The following KIRREL3 variants were observed in gnomAD, a reference collection of about 807,000 sequenced individuals.
KIRREL3 encodes the protein kin of IRRE-like protein 3.
Under a neutral mutation model 89.7 loss-of-function variants are expected in KIRREL3, and 36 were observed. The ratio of observed to expected loss-of-function variants is 0.40; its 90% CI spans 0.31 to 0.53. The LOEUF (loss-of-function observed/expected upper bound fraction) is 0.53. Ranked by LOEUF, KIRREL3 falls within the 20% of genes least tolerant of loss-of-function variation. The probability of loss-of-function intolerance (pLI) is 0.49; values close to 1 mark genes in which losing one functional copy is unlikely to be tolerated. For missense variants in KIRREL3, 864 were observed against 1,056.6 expected, an observed-to-expected ratio of 0.82 and a Z score of 2.53; for synonymous variants, 445 against 441.4, an observed-to-expected ratio of 1.01 and a Z score of -0.10.
chr11:126,555,486 G>T lies in KIRREL3; in HGVS notation c.133+7349C>A, dbSNP rs1440776843. Among the ~76,000 whole-genome samples the T allele has an allele frequency of 6.6e-6, 1 of 152,198 alleles. No individual in the cohort carries two copies. Among genetic ancestry groups the T allele is most frequent in the African/African-American group, 2.4e-5 (1 of 41,444 alleles). ...GGGATGGGTCAGTGGAGGCATCACTGGAGCAGAGACTTGAGCTGTGATTTG... is the reference window on the plus strand; with the variant it reads ...GGGATGGGTCAGTGGAGGCATCACTTGAGCAGAGACTTGAGCTGTGATTTG... On this transcript the variant is annotated intron_variant, in intron 2 of 16. Transcript: ENST00000525144. This position sits in a 1 kb window ranked among gnomAD's most constrained non-coding sequence, Gnocchi z 4.2.
At chr11:126,678,535 G>A (rs938660999) in intron 1 of KIRREL3, among the ~76,000 whole-genome samples, 5 of 128,690 alleles carry the variant, frequency 3.9e-5, no homozygotes, top group Non-Finnish European at 7.8e-5. Context: ...GGGAGACGGA[G>A]CTTACAGTGA....
In KIRREL3 at chr11:126,780,286, G is replaced by A. The variant is rs1592117815; in HGVS notation, c.56-217374C>T. Among the ~76,000 whole-genome samples the A allele has an allele frequency of 6.6e-6, 1 of 152,200 alleles. No homozygotes were observed. Among genetic ancestry groups the A allele is most frequent in the Non-Finnish European group, 1.5e-5 (1 of 68,034 alleles). ...GTGTAAGAGCAGCCTATCTTCTTCC[G>A]AGTCCACTAGAGAAGTGTGGCACAG... On this transcript the variant is annotated intron_variant, in intron 1 of 16. Transcript: ENST00000525144. The surrounding 1 kb of genome is among the most constrained non-coding windows in gnomAD (Gnocchi z 5.3).
chr11:126,634,826 C>T (rs1221504936), intron 1 of KIRREL3, among the ~76,000 whole-genome samples: 2 of 152,184 alleles, frequency 1.3e-5, no homozygotes, highest in East Asian at 1.9e-4. Context: ...TACAGGTCTG[C>T]GCCCTCTCGG....
At chr11:126,857,125 C>A (rs1944544338) in intron 1 of KIRREL3, among the ~76,000 whole-genome samples, 3 of 152,178 alleles carry the variant, frequency 2.0e-5, no homozygotes, top group African/African-American at 7.2e-5. Context: ...GACATATTGC[C>A]TCCTCCATAC....
chr11:126,775,602 T>A (rs1654633695), intron 1 of KIRREL3, among the ~76,000 whole-genome samples: 1 of 152,226 alleles, frequency 6.6e-6, no homozygotes, highest in Admixed American at 6.5e-5. Context: ...CACTCGCTGC[T>A]GGGTCTTTAG....
Position 126,652,376 on chromosome 11 carries a change from C to A in KIRREL3, c.56-89464G>T, listed in dbSNP as rs976266277. On this transcript the variant is annotated intron_variant, in intron 1 of 16. Coordinates refer to ENST00000525144, the MANE Select transcript of KIRREL3 (RefSeq NM_032531.4). This position sits in a 1 kb window ranked among gnomAD's most constrained non-coding sequence, Gnocchi z 4.9. ...GACAGGAGAGGAAGCCTGGGCCAAG[C>A]CTGCCTAGGGAGTCTATCGTGGTAG... 6.6e-6 allele frequency among the ~76,000 whole-genome samples: 1 copy of A among 152,134 alleles called. No individual in the cohort carries two copies. Among genetic ancestry groups the A allele is most frequent in the Non-Finnish European group, 1.5e-5 (1 of 68,016 alleles).
At chr11:126,932,566 G>A (rs1047196878) in intron 1 of KIRREL3, among the ~76,000 whole-genome samples, 3 of 152,094 alleles carry the variant, frequency 2.0e-5, no homozygotes, top group Non-Finnish European at 4.4e-5. Flanking sequence ...TCAATGCATT[G>A]AACCCAATAA....
Position 126,618,652 on chromosome 11 carries a change from C to T in KIRREL3, c.56-55740G>A, listed in dbSNP as rs536573810. On this transcript the variant is annotated intron_variant, in intron 1 of 16. Transcript: ENST00000525144. Reference sequence around the variant, plus strand: ...GTTGCGCCATGTTGGCCAGGCTGGTCTCAAACTCCTGACCTCAGGTGATCC... The same window carrying T: ...GTTGCGCCATGTTGGCCAGGCTGGTTTCAAACTCCTGACCTCAGGTGATCC... 7.2e-5 allele frequency among the ~76,000 whole-genome samples: 11 copies of T among 152,342 alleles called. No homozygotes were observed. In the East Asian group the frequency reaches 1.9e-3, roughly 27 times the overall value.
intron 1 of KIRREL3, among the ~76,000 whole-genome samples, chr11:126,827,919 G>A (rs892422887): frequency 6.6e-6 from 1 of 152,122 alleles, no homozygotes; most frequent in Non-Finnish European, 1.5e-5. Flanking sequence ...ACAATGGTAA[G>A]AGCATTGGGT....
At chr11:126,534,308 C>G (rs924205976) in intron 2 of KIRREL3, among the ~76,000 whole-genome samples, 1 of 152,178 alleles carries the variant, frequency 6.6e-6, no homozygotes, top group African/African-American at 2.4e-5. Context: ...GCTGGCTTGG[C>G]TCCGCATCTG....
Position 126,437,026 on chromosome 11 carries a change from A to G in KIRREL3, c.1354-17T>C. ...GGACCAGGCCTGCCCGGGGGCGCAG[A>G]ATCAGGAGGAGACCCCACCAGAGGG... is the stretch of plus-strand genomic sequence containing the variant. On this transcript the variant is annotated splice_polypyrimidine_tract_variant and intron_variant, in intron 11 of 16. Transcript: ENST00000525144. The G allele has an allele frequency of 6.6e-7, 1 of 1,504,110 alleles. No homozygotes were observed. The allele number at this position is 1,504,110 out of a possible 1,614,324, so 93.2% of individuals were successfully genotyped here.
At position 126,811,065 on chromosome 11, in the gene KIRREL3, C is replaced by A. The variant is rs1038337645; in HGVS notation, c.55+189390G>T. Among the ~76,000 whole-genome samples, 3 of 152,194 alleles carry A rather than the reference C, an allele frequency of 2.0e-5. No individual in the cohort carries two copies. The highest frequency in any genetic ancestry group is 6.5e-5 in the Admixed American group (1 of 15,282). On this transcript the variant is annotated intron_variant, in intron 1 of 16. Transcript: ENST00000525144. The surrounding 1 kb of genome is among the most constrained non-coding windows in gnomAD (Gnocchi z 4.3). ...AAGCTGTCTGCCTTCCCTGGCTACACCCATGGGCACCTGGTGGCCCTGCTG... is the reference window on the plus strand; with the variant it reads ...AAGCTGTCTGCCTTCCCTGGCTACAACCATGGGCACCTGGTGGCCCTGCTG...
In KIRREL3 at chr11:126,424,966, T is replaced by G; in HGVS notation, c.1951A>C (p.Thr651Pro). The change falls in exon 17 of 17, where the codon ACC becomes CCC. Residue 651 changes from threonine (T) to proline (P), a missense_variant. Transcript: ENST00000525144. ...GGCTGGCAGCTGGAGAGGGAGATGG[T>G]CGGGGTTGAGTGGTGCTCTTTGAAG... is the stretch of plus-strand genomic sequence containing the variant. The part of the protein sequence containing the change: ...NTFKEHHSTP[T>P]ISLSSCQPDL... 2.5e-6 allele frequency: 4 copies of G among 1,584,838 alleles called. No homozygotes were observed. The highest frequency in any genetic ancestry group is 3.4e-6 in the Non-Finnish European group (4 of 1,163,364).
chr11:126,534,033 C>A (rs1366732987), intron 2 of KIRREL3, among the ~76,000 whole-genome samples: 1 of 152,066 alleles, frequency 6.6e-6, no homozygotes, highest in Non-Finnish European at 1.5e-5. Flanking sequence ...CTTTTAATTA[C>A]TATCCAATGA....
At chr11:126,786,384 G>A (rs115611293) in intron 1 of KIRREL3, among the ~76,000 whole-genome samples, 5,661 of 152,182 alleles carry the variant, frequency 0.037, 338 homozygotes, top group African/African-American at 0.13. Flanking sequence ...ATTTTCTAGA[G>A]TGTGGTAATA....
intron 1 of KIRREL3, among the ~76,000 whole-genome samples, chr11:126,986,878 G>A (rs759222377): frequency 2.0e-5 from 3 of 152,178 alleles, no homozygotes; most frequent in Non-Finnish European, 4.4e-5. Flanking sequence ...CCACATGGAG[G>A]TGAAAATGAG....
intron 1 of KIRREL3, among the ~76,000 whole-genome samples, chr11:126,597,234 C>G (rs946493329): frequency 3.9e-5 from 6 of 152,228 alleles, no homozygotes; most frequent in African/African-American, 1.4e-4. Flanking sequence ...GGTCCTGGAG[C>G]CTGGGCCAGA....
rs114322283 is a variant in KIRREL3 at position 126,897,897 on chromosome 11, T to C, written c.55+102558A>G. Among the ~76,000 whole-genome samples, 27 of 152,158 alleles carry C rather than the reference T, an allele frequency of 1.8e-4. No homozygotes were observed. The highest frequency in any genetic ancestry group is 6.0e-4 in the African/African-American group (25 of 41,514). ...ATCCACTGATGTATGGCACCTCGAG[T>C]TGCTGCTGGGACTGCAGAGGACACA... On this transcript the variant is annotated intron_variant, in intron 1 of 16. Transcript: ENST00000525144. The surrounding 1 kb of genome is among the most constrained non-coding windows in gnomAD (Gnocchi z 4.2).
rs191705720 is a variant in KIRREL3, at chr11:126,443,255, G to A, written c.1252+1724C>T. 1.1e-4 allele frequency among the ~76,000 whole-genome samples: 17 copies of A among 152,316 alleles called. No individual in the cohort carries two copies. The East Asian group carries it at 2.9e-3, about 26-fold the overall frequency. On this transcript the variant is annotated intron_variant, in intron 10 of 16. Transcript: ENST00000525144. This position sits in a 1 kb window ranked among gnomAD's most constrained non-coding sequence, Gnocchi z 7.3. ...GGCCAGCAGAGCAGAGCCGGCTGCA[G>A]GCACAGACAGCCTGACTTCCGAGTG...
Sources: allele counts gnomAD v4.1 joint callset (sites outside exome capture counted in the v4.1 genomes callset), GRCh38; gene constraint gnomAD v4.1.1; non-coding constraint Gnocchi (gnomAD v3.1); transcripts MANE v1.5; gene names NCBI Gene and HGNC (gene_info 2026-07-23, HGNC 2026-07-21).